The following TTC39C variants were observed in gnomAD, a reference collection of about 807,000 sequenced individuals.
TTC39C encodes the protein tetratricopeptide repeat protein 39C.
A neutral mutation model predicts 76.3 loss-of-function variants in TTC39C; 33 were observed. The observed-to-expected ratio is 0.43, with a 90% CI of 0.33 to 0.58. The LOEUF (loss-of-function observed/expected upper bound fraction) is 0.58, where lower values mean the gene tolerates loss of function less well. Ranked by LOEUF, TTC39C falls within the 20% of genes least tolerant of loss-of-function variation. The pLI, the probability that TTC39C is intolerant of heterozygous loss-of-function variation, is 0.04. For missense variants in TTC39C, 595 were observed against 701.4 expected, an observed-to-expected ratio of 0.85 and a Z score of 1.71; for synonymous variants, 254 against 260.6, an observed-to-expected ratio of 0.97 and a Z score of 0.24.
chr18:24,085,388 C>T (rs1044698362), intron 6 of TTC39C, among the ~76,000 whole-genome samples: 2 of 152,116 alleles, frequency 1.3e-5, no homozygotes, highest in African/African-American at 4.8e-5. Context: ...GTTATACTTG[C>T]CATTTGAGTA....
intron 1 of TTC39C, among the ~76,000 whole-genome samples, chr18:24,045,255 TA>T (rs1207468310): frequency 2.0e-5 from 2 of 101,504 alleles, no homozygotes; most frequent in African/African-American, 7.8e-5. Context: ...GGTGACAGAG[TA>T]AGACTCTGTC....
chr18:24,067,512 G>A (rs1430541991), intron 3 of TTC39C, among the ~76,000 whole-genome samples: 1 of 152,124 alleles, frequency 6.6e-6, no homozygotes, highest in Admixed American at 6.5e-5. Flanking sequence ...CCTGAGCTTC[G>A]CCTCCTGTCA....
intron 1 of TTC39C, among the ~76,000 whole-genome samples, chr18:23,996,401 G>A (rs1264537866): frequency 1.3e-5 from 2 of 152,184 alleles, no homozygotes; most frequent in East Asian, 3.8e-4. Flanking sequence ...TTGCACTTGT[G>A]CTAATATTAA....
rs1335805916 is a variant in TTC39C at position 24,014,925 on chromosome 18, C to A, written c.54C>A (p.Asp18Glu). ...RPRRRDDGDS[D>E]AAAAAAAPLQ... Reference sequence around the variant, plus strand: ...GGCGGCGGGACGACGGAGACTCGGACGCGGCAGCGGCGGCGGCGGCGCCCC... The same window carrying A: ...GGCGGCGGGACGACGGAGACTCGGAAGCGGCAGCGGCGGCGGCGGCGCCCC... The change falls in exon 1 of 14, where the codon GAC becomes GAA. Residue 18 changes from aspartate (D) to glutamate (E), a missense_variant. By Grantham distance (45) the Asp-to-Glu change is conservative. Coordinates refer to ENST00000317571, the MANE Select transcript of TTC39C (RefSeq NM_001135993.2). The A allele has an allele frequency of 5.9e-6, 9 of 1,520,280 alleles. No homozygotes were observed. In the South Asian group the frequency reaches 8.7e-5, roughly 15 times the overall value. 94.2% of individuals were successfully genotyped at this position (1,520,280 alleles called of 1,614,324 possible).
At chr18:24,090,085 A>C (rs956569318) in intron 6 of TTC39C, among the ~76,000 whole-genome samples, 1 of 152,192 alleles carries the variant, frequency 6.6e-6, no homozygotes, top group South Asian at 2.1e-4. Flanking sequence ...AATAATTGAC[A>C]TGCAGGCAGA....
At chr18:24,102,579 G>T (rs1396039313) in intron 6 of TTC39C, among the ~76,000 whole-genome samples, 23 of 152,200 alleles carry the variant, frequency 1.5e-4, no homozygotes, top group Admixed American at 1.5e-3. Context: ...GGATGAGGAG[G>T]CTGTGGGGCG....
intron 1 of TTC39C, among the ~76,000 whole-genome samples, chr18:23,995,959 A>C (rs1018982500): frequency 1.3e-5 from 2 of 152,252 alleles, no homozygotes; most frequent in Admixed American, 1.3e-4. Context: ...TCGTATGTTA[A>C]GTATATGCTT....
At chr18:24,124,287 G>GT (rs911920889) in intron 9 of TTC39C, 47 of 161,962 alleles carry the variant, frequency 2.9e-4, no homozygotes, top group Non-Finnish European at 4.9e-4. Context: ...CTGGAGTATA[G>GT]TTTTTTTTTA....
chr18:23,998,200 C>A (rs1307522650), intron 1 of TTC39C, among the ~76,000 whole-genome samples: 2 of 152,292 alleles, frequency 1.3e-5, no homozygotes, highest in Middle Eastern at 3.4e-3. Context: ...GTCATTTGCC[C>A]AATATCATAG....
At chr18:23,997,074 A>C (rs1356117623) in intron 1 of TTC39C, among the ~76,000 whole-genome samples, 1 of 151,932 alleles carries the variant, frequency 6.6e-6, no homozygotes, top group Non-Finnish European at 1.5e-5. Flanking sequence ...GCACCACTGC[A>C]CTCCAGCCTG....
intron 8 of TTC39C, among the ~76,000 whole-genome samples, chr18:24,122,141 C>A (rs2084975460): frequency 6.6e-6 from 1 of 152,114 alleles, no homozygotes; most frequent in Non-Finnish European, 1.5e-5. Flanking sequence ...TATCCTGGTA[C>A]GTGCACGCCT....
intron 1 of TTC39C, among the ~76,000 whole-genome samples, chr18:23,999,621 C>G (rs1468424386): frequency 6.6e-6 from 1 of 152,196 alleles, no homozygotes. Context: ...TGCTAGGGCC[C>G]GGGCTGCAAA....
At chr18:24,013,325 C>CTAA (rs2083408628), upstream of TTC39C, among the ~76,000 whole-genome samples, 3 of 152,152 alleles carry the variant, frequency 2.0e-5, no homozygotes, top group Admixed American at 6.5e-5. Context: ...ACACATGACA[C>CTAA]TTAAGGAGTG....
chr18:24,125,291 A>T, intron 9 of TTC39C, 136 bp from the exon 10 acceptor site: 6 of 1,148,758 alleles, frequency 5.2e-6, no homozygotes, highest in Non-Finnish European at 7.2e-6. Context: ...TAGAGAGAAG[A>T]ATTGTTATTC....
Position 24,070,837 on chromosome 18 carries a change from AAAAAGAAAAG to A in TTC39C, c.460+1581_460+1590del, listed in dbSNP as rs775212066. 4.8e-3 allele frequency among the ~76,000 whole-genome samples: 737 copies of A among 152,150 alleles called. 3 individuals carry two copies. Among genetic ancestry groups the A allele is most frequent in the African/African-American group, 0.017 (687 of 41,552 alleles). On this transcript the variant is annotated intron_variant, in intron 4 of 13. Transcript: ENST00000317571. ...CAGCCTGGGTGACAGAGTGAGACTT[AAAAAGAAAAG>A]AAAAGAAAAGAAAATACCTGTTGAG...
intron 1 of TTC39C, among the ~76,000 whole-genome samples, chr18:24,046,011 T>C (rs1293095185): frequency 7.2e-6 from 1 of 138,526 alleles, no homozygotes; most frequent in African/African-American, 2.7e-5. Flanking sequence ...CAATCTCTGC[T>C]CACTGCAAGC....
intron 6 of TTC39C, among the ~76,000 whole-genome samples, chr18:24,107,894 G>GGGC (rs1555776855): frequency 2.1e-5 from 3 of 145,380 alleles, no homozygotes; most frequent in Non-Finnish European, 4.5e-5. Flanking sequence ...AAGTAGGGGG[G>GGGC]GGGGTACAGG....
At chr18:24,104,288 G>A (rs960934132) in intron 6 of TTC39C, among the ~76,000 whole-genome samples, 2 of 152,102 alleles carry the variant, frequency 1.3e-5, no homozygotes, top group East Asian at 1.9e-4. Context: ...ACCTCCTGTT[G>A]CCTCTGCAGT....
chr18:24,079,752 A>T (rs1599305143), intron 4 of TTC39C, among the ~76,000 whole-genome samples: 1 of 145,790 alleles, frequency 6.9e-6, no homozygotes, highest in Admixed American at 6.8e-5. Flanking sequence ...TGCTTATTTT[A>T]TTTTTTTTTG....
Sources: gnomAD v4.1 joint callset for allele counts (sites outside exome capture counted in the v4.1 genomes callset) on GRCh38, gnomAD v4.1.1 for gene constraint, MANE v1.5 for transcripts, NCBI Gene and HGNC (gene_info 2026-07-23, HGNC 2026-07-21) for gene names.